ANKS1B: variants seen among roughly 807,000 people sequenced by gnomAD.
The protein encoded by ANKS1B is ankyrin repeat and sterile alpha motif domain containing 1B, also known as ankyrin repeat and sterile alpha motif domain-containing protein 1B.
A neutral mutation model predicts 148.3 loss-of-function variants in ANKS1B; 36 were observed. That is an observed-to-expected ratio of 0.24 (90% CI 0.19 to 0.32). The LOEUF (loss-of-function observed/expected upper bound fraction) is 0.32. Among genes scored for constraint, ANKS1B ranks in the 10% least tolerant of loss-of-function variants. The probability of loss-of-function intolerance (pLI) is 1.00; values close to 1 mark genes in which losing one functional copy is unlikely to be tolerated. For synonymous variants in ANKS1B, 542 were observed against 560.8 expected, an observed-to-expected ratio of 0.97 and a Z score of 0.47; for missense variants, 1,157 against 1,542.6, an observed-to-expected ratio of 0.75 and a Z score of 4.19.
chr12:99,917,630 T>C (rs1033624238), intron 1 of ANKS1B, among the ~76,000 whole-genome samples: 4 of 152,236 alleles, frequency 2.6e-5, no homozygotes, highest in African/African-American at 9.6e-5. Context: ...TATTCAAACA[T>C]GCTTTTGCCT....
At chr12:99,282,546 C>A (rs1298569435) in intron 12 of ANKS1B, among the ~76,000 whole-genome samples, 1 of 152,128 alleles carries the variant, frequency 6.6e-6, no homozygotes, top group Non-Finnish European at 1.5e-5. Context: ...AATTAAAAGG[C>A]TATTATTCCC....
intron 22 of ANKS1B, among the ~76,000 whole-genome samples, chr12:98,787,921 C>T (rs570001967): frequency 7.8e-4 from 110 of 140,858 alleles, no homozygotes; most frequent in Non-Finnish European, 1.3e-3. Flanking sequence ...CTCTGGGTGA[C>T]GGAGCAAGAC....
intron 17 of ANKS1B, among the ~76,000 whole-genome samples, chr12:99,049,898 C>G (rs2099964855): frequency 6.6e-6 from 1 of 152,208 alleles, no homozygotes; most frequent in Non-Finnish European, 1.5e-5. Context: ...CCTCCATTCT[C>G]TTCCCCTCCA....
chr12:99,029,284 A>G (rs2153457215), intron 17 of ANKS1B, among the ~76,000 whole-genome samples: 1 of 152,342 alleles, frequency 6.6e-6, no homozygotes, highest in Non-Finnish European at 1.5e-5. Flanking sequence ...AGCAAGGTAC[A>G]GATTTTACAA....
intron 17 of ANKS1B, among the ~76,000 whole-genome samples, chr12:98,944,258 C>T (rs1307407671): frequency 7.3e-6 from 1 of 136,482 alleles, no homozygotes; most frequent in Non-Finnish European, 1.5e-5. Context: ...TGAGATCACA[C>T]CATTGCACTC....
intron 12 of ANKS1B, among the ~76,000 whole-genome samples, chr12:99,327,522 T>A (rs1261038379): frequency 6.9e-6 from 1 of 144,246 alleles, no homozygotes; most frequent in East Asian, 2.0e-4. Flanking sequence ...ATACATATAC[T>A]CTATGATGTT....
intron 9 of ANKS1B, among the ~76,000 whole-genome samples, chr12:99,590,258 C>CACACACACACA (rs1567422900): frequency 1.1e-4 from 14 of 132,870 alleles, no homozygotes; most frequent in East Asian, 2.9e-4. Flanking sequence ...CCACACCCAC[C>CACACACACACA]CACACACACA....
At chr12:99,806,779 C>G in intron 3 of ANKS1B, 79 bp from the exon 4 acceptor site, 1 of 1,290,118 alleles carries the variant, frequency 7.8e-7, no homozygotes, top group Non-Finnish European at 1.1e-6. Flanking sequence ...AATTTAAAAC[C>G]TGCAATGCTT....
chr12:98,832,190 A>T (rs2099323187), intron 17 of ANKS1B, 54 bp from the exon 18 acceptor site: 1 of 1,364,886 alleles, frequency 7.3e-7, no homozygotes. Flanking sequence ...AATAATTTTT[A>T]TATGTCCTAA....
chr12:99,549,560 G>A (rs188602750), intron 9 of ANKS1B, among the ~76,000 whole-genome samples: 13 of 152,164 alleles, frequency 8.5e-5, no homozygotes, highest in Non-Finnish European at 1.8e-4. Context: ...TTCAACAAGT[G>A]CTTGTCCAAC....
intron 8 of ANKS1B, among the ~76,000 whole-genome samples, chr12:99,672,036 G>A (rs2098540642): frequency 6.6e-6 from 1 of 151,962 alleles, no homozygotes; most frequent in Non-Finnish European, 1.5e-5. Context: ...GATGTACCAA[G>A]ACAAGTTCAA....
At chr12:99,496,374 C>T (rs968537971) in intron 10 of ANKS1B, among the ~76,000 whole-genome samples, 7 of 152,284 alleles carry the variant, frequency 4.6e-5, no homozygotes, top group Admixed American at 1.3e-4. Flanking sequence ...TCCATTCATT[C>T]GTTCATTCAA....
At chr12:99,551,546 AG>A (rs1567332009) in intron 9 of ANKS1B, among the ~76,000 whole-genome samples, 3 of 22,912 alleles carry the variant, frequency 1.3e-4, no homozygotes, top group Non-Finnish European at 1.8e-4. Flanking sequence ...AGGGGAGGGG[AG>A]GGGAGGGGAG....
intron 9 of ANKS1B, among the ~76,000 whole-genome samples, chr12:99,602,306 A>C (rs1409959120): frequency 6.6e-6 from 1 of 152,110 alleles, no homozygotes; most frequent in African/African-American, 2.4e-5. Flanking sequence ...ATGTCTGTCC[A>C]ATTAGACAAA....
intron 1 of ANKS1B, among the ~76,000 whole-genome samples, chr12:99,890,727 C>G (rs1565937103): frequency 6.6e-6 from 1 of 151,968 alleles, no homozygotes; most frequent in East Asian, 1.9e-4. Context: ...CATACATTTT[C>G]TGAGTTAGCC....
At chr12:99,873,896 G>A (rs1165027113) in intron 1 of ANKS1B, among the ~76,000 whole-genome samples, 1 of 151,838 alleles carries the variant, frequency 6.6e-6, no homozygotes, top group Non-Finnish European at 1.5e-5. Flanking sequence ...CTTTGGACTG[G>A]AACTGCAAGT....
At chr12:99,674,268 A>G (rs1379951490) in intron 8 of ANKS1B, among the ~76,000 whole-genome samples, 1 of 151,872 alleles carries the variant, frequency 6.6e-6, no homozygotes, top group Non-Finnish European at 1.5e-5. Flanking sequence ...TTATACATAA[A>G]GTGAGGGCTG....
intron 12 of ANKS1B, among the ~76,000 whole-genome samples, chr12:99,249,285 T>C (rs745730684): frequency 5.9e-5 from 9 of 152,314 alleles, no homozygotes; most frequent in South Asian, 2.1e-4. Flanking sequence ...ACGATGTTCA[T>C]TATCTAGAAA....
At chr12:99,697,907 C>G (rs1487520273) in intron 8 of ANKS1B, among the ~76,000 whole-genome samples, 1 of 151,998 alleles carries the variant, frequency 6.6e-6, no homozygotes, top group Non-Finnish European at 1.5e-5. Context: ...AAAGTAAAGT[C>G]TATTAATTTT....
Sources: allele counts gnomAD v4.1 joint callset (sites outside exome capture counted in the v4.1 genomes callset), GRCh38; gene constraint gnomAD v4.1.1; transcripts MANE v1.5; gene names NCBI Gene and HGNC (gene_info 2026-07-23, HGNC 2026-07-21).